The following TSPAN8 variants were observed in gnomAD, a reference collection of about 807,000 sequenced individuals.
The protein encoded by TSPAN8 is tetraspanin-8.
TSPAN8 carries 21 observed loss-of-function variants against 32.8 expected under a neutral mutation model. The ratio of observed to expected loss-of-function variants is 0.64; its 90% CI spans 0.45 to 0.92. TSPAN8 has a LOEUF of 0.92. TSPAN8 is among the 40% of genes least tolerant of loss of function. TSPAN8 has a pLI of 0.00. For missense variants in TSPAN8, 269 were observed against 281.9 expected, an observed-to-expected ratio of 0.95 and a Z score of 0.33; for synonymous variants, 95 against 94.6, an observed-to-expected ratio of 1.00 and a Z score of -0.03.
At chr12:71,144,064 G>A in intron 3 of TSPAN8, 87 bp downstream of exon 3, 1 of 1,184,826 alleles carries the variant, frequency 8.4e-7, no homozygotes, top group Non-Finnish European at 1.2e-6. Flanking sequence ...TTTTAGACAT[G>A]TTTATTACTA....
At chr12:71,137,915 T>G (rs368303868) in intron 6 of TSPAN8, 38 bp downstream of exon 6, 8 of 1,559,896 alleles carry the variant, frequency 5.1e-6, no homozygotes, top group Non-Finnish European at 7.0e-6. Context: ...AGAAGAACTA[T>G]GTCCAACTCT....
chr12:71,130,207 G>C (rs1015707567), intron 7 of TSPAN8, among the ~76,000 whole-genome samples: 28 of 152,152 alleles, frequency 1.8e-4, no homozygotes, highest in Non-Finnish European at 1.3e-4. Flanking sequence ...ACCGGCCTCA[G>C]CCTCTGAAAA....
intron 7 of TSPAN8, 62 bp downstream of exon 7, chr12:71,132,631 C>T: frequency 4.4e-6 from 7 of 1,579,414 alleles, no homozygotes; most frequent in Non-Finnish European, 6.0e-6. Flanking sequence ...TTTGTAGGGA[C>T]TTTAATTGTG....
At chr12:71,155,070 A>G (rs1872382379) in intron 2 of TSPAN8, among the ~76,000 whole-genome samples, 1 of 152,220 alleles carries the variant, frequency 6.6e-6, no homozygotes, top group African/African-American at 2.4e-5. Context: ...ATCACTTGCA[A>G]TCTGGTAAGT....
intron 4 of TSPAN8, chr12:71,139,242 G>A (rs1871814360): frequency 4.4e-6 from 2 of 457,700 alleles, no homozygotes; most frequent in African/African-American, 2.0e-5. Context: ...CACCAGCACT[G>A]TACTGCCACG....
chr12:71,127,077 ATT>A (rs1443973127), intron 8 of TSPAN8, among the ~76,000 whole-genome samples: 1 of 151,892 alleles, frequency 6.6e-6, no homozygotes, highest in Non-Finnish European at 1.5e-5. Context: ...TTTATATGAT[ATT>A]TTTCTGTGGA....
rs550197908 is a variant in TSPAN8 at position 71,132,802 on chromosome 12, T to C, written c.467A>G (p.Asn156Ser). 4.7e-5 allele frequency: 76 copies of C among 1,613,946 alleles called. 1 individual carries two copies. The South Asian group carries it at 6.3e-4, about 13-fold the overall frequency. The change falls in exon 7 of 9, where the codon AAT (asparagine) becomes AGT (serine). Residue 156 changes from asparagine to serine, a missense_variant. By Grantham distance (46) the Asn-to-Ser change is conservative (BLOSUM62 1). Transcript: ENST00000247829. ...ATTATTTCCCCAATCAGCAGCTCCA[T>C]TGACCAAACCGCAGCATTTAAACTG... ...QEEFKCCGLV[N>S]GAADWGNNFQ...
intron 3 of TSPAN8, among the ~76,000 whole-genome samples, chr12:71,140,762 T>C (rs1332590112): frequency 6.6e-6 from 1 of 152,180 alleles, no homozygotes. Flanking sequence ...TAAATCACAA[T>C]TAAAAAGTAA....
At chr12:71,149,409 A>G (rs1231440482) in intron 2 of TSPAN8, among the ~76,000 whole-genome samples, 2 of 151,660 alleles carry the variant, frequency 1.3e-5, no homozygotes, top group African/African-American at 4.8e-5. Context: ...CATTCCCTTT[A>G]CAAGCATGGC....
chr12:71,129,376 A>AT lies in TSPAN8; in HGVS notation c.614dup (p.Asn205LysfsTer16). 6.3e-7 allele frequency: 1 copy of AT among 1,586,724 alleles called. No individual in the cohort carries two copies. The highest frequency in any genetic ancestry group is 1.4e-5 in the African/African-American group (1 of 73,226). ...ATGATATTCCAATAACTATAATCAA[A>AT]TTTTTTGCCAAGAAGTCTTTTATGA... On this transcript the variant is annotated frameshift_variant, in exon 8 of 9. Coordinates refer to ENST00000247829, the MANE Select transcript of TSPAN8 (RefSeq NM_004616.3). LOFTEE classifies it high-confidence loss of function.
chr12:71,142,402 T>C (rs889251880), intron 3 of TSPAN8, among the ~76,000 whole-genome samples: 1 of 152,134 alleles, frequency 6.6e-6, no homozygotes, highest in Non-Finnish European at 1.5e-5. Flanking sequence ...CCAGAAGCAC[T>C]GGGAGGGAAA....
intron 3 of TSPAN8, among the ~76,000 whole-genome samples, chr12:71,142,920 G>T (rs1871952281): frequency 6.6e-6 from 1 of 151,526 alleles, no homozygotes; most frequent in East Asian, 1.9e-4. Context: ...GAAGAAAACA[G>T]AGCAGACATT....
At chr12:71,144,246 C>G in intron 2 of TSPAN8, 33 bp from the exon 3 acceptor site, 1 of 1,589,098 alleles carries the variant, frequency 6.3e-7, no homozygotes, top group Non-Finnish European at 8.6e-7. Context: ...AAAAAGAATA[C>G]AATTAGGATC....
intron 6 of TSPAN8, among the ~76,000 whole-genome samples, chr12:71,136,574 C>T (rs536964321): frequency 6.6e-6 from 1 of 152,222 alleles, no homozygotes; most frequent in East Asian, 1.9e-4. Context: ...TTCAAGGGAC[C>T]CTGAGTACAC....
chr12:71,143,710 C>T (rs1257842013), intron 3 of TSPAN8, among the ~76,000 whole-genome samples: 1 of 152,146 alleles, frequency 6.6e-6, no homozygotes, highest in African/African-American at 2.4e-5. Context: ...TCCAAGAAAA[C>T]TTCTCATTTT....
intron 2 of TSPAN8, among the ~76,000 whole-genome samples, chr12:71,146,661 C>T (rs900161181): frequency 1.3e-5 from 2 of 152,150 alleles, no homozygotes; most frequent in Non-Finnish European, 2.9e-5. Context: ...ACTAGGCCTA[C>T]CTTTCCCCTG....
At chr12:71,148,801 T>C (rs1360504570) in intron 2 of TSPAN8, among the ~76,000 whole-genome samples, 1 of 152,250 alleles carries the variant, frequency 6.6e-6, no homozygotes, top group Non-Finnish European at 1.5e-5. Flanking sequence ...ATTATGTTTG[T>C]AGTTTACTTG....
At chr12:71,132,016 G>A (rs1396177698) in intron 7 of TSPAN8, among the ~76,000 whole-genome samples, 1 of 152,188 alleles carries the variant, frequency 6.6e-6, no homozygotes, top group Non-Finnish European at 1.5e-5. Context: ...GAGGTGGTCA[G>A]TAAGTATTTG....
At chr12:71,136,445 A>G (rs374555439) in intron 6 of TSPAN8, among the ~76,000 whole-genome samples, 2 of 152,250 alleles carry the variant, frequency 1.3e-5, no homozygotes, top group Admixed American at 6.5e-5. Flanking sequence ...TAAGTGACCT[A>G]TAAAATTCAA....
Sources: allele counts gnomAD v4.1 joint callset (sites outside exome capture counted in the v4.1 genomes callset), GRCh38; gene constraint gnomAD v4.1.1; transcripts MANE v1.5; gene names NCBI Gene and HGNC (gene_info 2026-07-23, HGNC 2026-07-21).